Variants in EFNA5 observed in about 807,000 individuals in gnomAD.
EFNA5 encodes ephrin A5, also known as ephrin-A5.
A neutral mutation model predicts 22.9 loss-of-function variants in EFNA5; 5 were observed. The ratio of observed to expected loss-of-function variants is 0.22; its 90% confidence interval spans 0.11 to 0.46. The LOEUF is 0.46. Among genes scored for constraint, EFNA5 ranks in the 20% least tolerant of loss-of-function variants. The probability of loss-of-function intolerance (pLI) is 0.99; values close to 1 mark genes in which losing one functional copy is unlikely to be tolerated. For synonymous variants in EFNA5, 113 were observed against 112.2 expected (o/e 1.01, Z -0.04); for missense variants, 237 against 293.3 (o/e 0.81, Z 1.40).
intron 2 of EFNA5, among the ~76,000 whole-genome samples, chr5:107,407,669 A>G (rs1748259947): frequency 6.6e-6 from 1 of 152,244 alleles, no homozygotes; most frequent in South Asian, 2.1e-4. Context: ...AATTTACATT[A>G]TAGCTAGTTC....
chr5:107,602,881 C>T (rs1219967103), intron 1 of EFNA5, among the ~76,000 whole-genome samples: 1 of 152,102 alleles, frequency 6.6e-6, no homozygotes, highest in Non-Finnish European at 1.5e-5. Context: ...TGACTAGAGG[C>T]CATGGGCTTT....
intron 1 of EFNA5, among the ~76,000 whole-genome samples, chr5:107,637,637 A>ATG (rs1046723528): frequency 6.7e-5 from 10 of 150,122 alleles, no homozygotes; most frequent in Admixed American, 2.0e-4. Context: ...CATATAGTGT[A>ATG]TGTGTGTGTG....
chr5:107,489,713 T>C (rs1358218807), intron 1 of EFNA5, among the ~76,000 whole-genome samples: 1 of 151,608 alleles, frequency 6.6e-6, no homozygotes, highest in Non-Finnish European at 1.5e-5. Flanking sequence ...CTGAACATTA[T>C]CAGTTTTTCA....
intron 2 of EFNA5, among the ~76,000 whole-genome samples, chr5:107,390,540 G>C (rs950511331): frequency 6.6e-6 from 1 of 152,066 alleles, no homozygotes; most frequent in Non-Finnish European, 1.5e-5. Context: ...ATAGAGCTGA[G>C]GATGGAAATG....
intron 1 of EFNA5, among the ~76,000 whole-genome samples, chr5:107,627,630 C>T (rs1315813837): frequency 1.1e-5 from 1 of 91,090 alleles, no homozygotes; most frequent in African/African-American, 4.5e-5. Flanking sequence ...ATCAAGACCA[C>T]ATCTCAAAAA....
Position 107,465,070 on chromosome 5 carries a change from T to A in EFNA5, c.126-37561A>T, listed in dbSNP as rs532317183. Among the ~76,000 whole-genome samples, 18 of 152,240 alleles carry A rather than the reference T, an allele frequency of 1.2e-4. No individual in the cohort carries two copies. In the East Asian group the frequency reaches 2.7e-3, roughly 23 times the overall value. ...TTTCCATTCTGTGTGAGGCTTTTTT[T>A]TTTTTTTTAAGAAAAACAATTCAAG... On this transcript the variant is annotated intron_variant, in intron 1 of 4. Coordinates refer to ENST00000333274, the MANE Select transcript of EFNA5 (RefSeq NM_001962.3).
intron 1 of EFNA5, among the ~76,000 whole-genome samples, chr5:107,471,764 T>G (rs1750147802): frequency 6.6e-6 from 1 of 152,204 alleles, no homozygotes; most frequent in Non-Finnish European, 1.5e-5. Context: ...TATTTGGTGA[T>G]CCATCCACAT....
intron 1 of EFNA5, among the ~76,000 whole-genome samples, chr5:107,599,107 C>T (rs151035509): frequency 5.3e-5 from 8 of 152,194 alleles, no homozygotes; most frequent in East Asian, 3.9e-4. Context: ...GAAATGGGCA[C>T]GGGAACCAGA....
chr5:107,632,218 T>C (rs1198789687), intron 1 of EFNA5, among the ~76,000 whole-genome samples: 1 of 152,204 alleles, frequency 6.6e-6, no homozygotes, highest in East Asian at 1.9e-4. Flanking sequence ...CTATTCTTAC[T>C]TCATTCTTAT....
chr5:107,524,590 T>TGCTA (rs1467321955), intron 1 of EFNA5, among the ~76,000 whole-genome samples: 2 of 152,172 alleles, frequency 1.3e-5, no homozygotes, highest in Non-Finnish European at 2.9e-5. Flanking sequence ...GGTCTAATGA[T>TGCTA]GCTAGCCATA....
chr5:107,492,688 C>A (rs758808056), intron 1 of EFNA5, among the ~76,000 whole-genome samples: 2 of 152,094 alleles, frequency 1.3e-5, no homozygotes, highest in Non-Finnish European at 2.9e-5. Context: ...TTAGGGCTCT[C>A]AATTTCACTC....
chr5:107,457,539 T>C (rs1373965893), intron 1 of EFNA5, among the ~76,000 whole-genome samples: 3 of 152,150 alleles, frequency 2.0e-5, no homozygotes, highest in African/African-American at 4.8e-5. Flanking sequence ...TAGAGAATAA[T>C]GGCAAGAAAA....
At position 107,381,055 on chromosome 5, in the gene EFNA5, G is replaced by A; in HGVS notation, c.*200C>T. ...GGGCCAGGGCTGGGGGTGGGGCGGGGTGGGGTGAGGGAGGCAGGAACAAGT... is the reference window on the plus strand; with the variant it reads ...GGGCCAGGGCTGGGGGTGGGGCGGGATGGGGTGAGGGAGGCAGGAACAAGT... On this transcript the variant is annotated 3_prime_UTR_variant, in exon 5 of 5. Transcript: ENST00000333274. 1.5e-6 allele frequency: 1 copy of A among 649,404 alleles called. No individual in the cohort carries two copies. The highest frequency in any genetic ancestry group is 3.2e-5 in the Admixed American group (1 of 31,284). 40.2% of individuals were successfully genotyped at this position (649,404 alleles called of 1,614,324 possible).
chr5:107,649,762 A>T (rs1750693157), intron 1 of EFNA5, among the ~76,000 whole-genome samples: 1 of 152,212 alleles, frequency 6.6e-6, no homozygotes, highest in Non-Finnish European at 1.5e-5. Flanking sequence ...GCTAAAATTT[A>T]TTGACCACAT....
intron 1 of EFNA5, among the ~76,000 whole-genome samples, chr5:107,506,718 G>A (rs1422718400): frequency 6.6e-6 from 1 of 152,106 alleles, no homozygotes; most frequent in African/African-American, 2.4e-5. Flanking sequence ...GAAGAGCAAG[G>A]CAGGAAAAAC....
intron 1 of EFNA5, among the ~76,000 whole-genome samples, chr5:107,441,015 A>AT (rs796829616): frequency 0.019 from 2,603 of 139,658 alleles, 66 homozygotes; most frequent in African/African-American, 0.06. Flanking sequence ...AAAAACTTGG[A>AT]TTTTTTTTTT....
intron 2 of EFNA5, among the ~76,000 whole-genome samples, chr5:107,421,706 T>C (rs1748671687): frequency 6.6e-6 from 1 of 152,196 alleles, no homozygotes; most frequent in Non-Finnish European, 1.5e-5. Flanking sequence ...GAGTGAGTGC[T>C]ATTTGTTTCT....
At position 107,425,531 on chromosome 5, in the gene EFNA5, A is replaced by G. The variant is rs142980567; in HGVS notation, c.418+1686T>C. On this transcript the variant is annotated intron_variant, in intron 2 of 4. Transcript: ENST00000333274. Reference sequence around the variant, plus strand: ...ACAAAGTAAAAAAGCAATAAAAGTCAAGAACATGCTGCCTGAGAAGTGTGA... The same window carrying G: ...ACAAAGTAAAAAAGCAATAAAAGTCGAGAACATGCTGCCTGAGAAGTGTGA... Among the ~76,000 whole-genome samples, 14 of 152,356 alleles carry G rather than the reference A, an allele frequency of 9.2e-5. No individual in the cohort carries two copies. In the East Asian group the frequency reaches 2.7e-3, roughly 29 times the overall value.
chr5:107,466,295 T>C (rs1749979263), intron 1 of EFNA5, among the ~76,000 whole-genome samples: 1 of 152,136 alleles, frequency 6.6e-6, no homozygotes, highest in African/African-American at 2.4e-5. Context: ...AGGTATTAAA[T>C]GCTGAGTCAT....
Sources: allele counts gnomAD v4.1 joint callset (sites outside exome capture counted in the v4.1 genomes callset), GRCh38; gene constraint gnomAD v4.1.1; transcripts MANE v1.5; gene names NCBI Gene and HGNC (gene_info 2026-07-23, HGNC 2026-07-21).